The following CSNK1E variants were observed in gnomAD, a reference collection of about 807,000 sequenced individuals.
CSNK1E encodes casein kinase I isoform epsilon.
CSNK1E carries 17 observed loss-of-function variants against 46.1 expected under a neutral mutation model. The observed-to-expected ratio is 0.37, with a 90% CI of 0.25 to 0.55. The LOEUF (loss-of-function observed/expected upper bound fraction) is 0.55, where lower values mean the gene tolerates loss of function less well. Among genes scored for constraint, CSNK1E ranks in the 20% least tolerant of loss-of-function variants. The probability of loss-of-function intolerance (pLI) is 0.82; values close to 1 mark genes in which losing one functional copy is unlikely to be tolerated. For missense variants in CSNK1E, 386 were observed against 595.4 expected (o/e 0.65, Z 3.66); for synonymous variants, 241 against 242.6 (o/e 0.99, Z 0.06).
At chr22:38,296,688 T>C (rs781307351) in intron 7 of CSNK1E, 1 of 1,611,308 alleles carries the variant, frequency 6.2e-7, no homozygotes, top group Admixed American at 1.7e-5. Flanking sequence ...GCTCCTGGCC[T>C]GGTTGGAAAA....
intron 6 of CSNK1E, among the ~76,000 whole-genome samples, 174 bp downstream of exon 6, chr22:38,299,721 G>A (rs1358025542): frequency 6.6e-6 from 1 of 152,208 alleles, no homozygotes; most frequent in Non-Finnish European, 1.5e-5. Flanking sequence ...TGTTACTCAG[G>A]CTGGTCTCGA....
intron 2 of CSNK1E, among the ~76,000 whole-genome samples, chr22:38,308,515 G>C (rs1284173684): frequency 1.3e-5 from 2 of 152,062 alleles, no homozygotes; most frequent in Non-Finnish European, 2.9e-5. Context: ...CGTCGGACAA[G>C]GCACTTCACC....
rs1473926334 is a variant in CSNK1E, at chr22:38,300,037, G to A, written c.594C>T (p.Ser198=). 2.5e-6 allele frequency: 4 copies of A among 1,614,058 alleles called. No homozygotes were observed. The highest frequency in any genetic ancestry group is 3.4e-6 in the Non-Finnish European group (4 of 1,180,014). The part of the protein sequence containing the change: ...IEQSRRDDLE[S]LGYVLMYFNL... Reference sequence around the variant, plus strand: ...TGAAGTACATGAGCACGTAGCCCAGGCTCTCCAGGTCATCTCGACGGCTTT... The same window carrying A: ...TGAAGTACATGAGCACGTAGCCCAGACTCTCCAGGTCATCTCGACGGCTTT... The change falls in exon 6 of 11, where the codon AGC becomes AGT. Residue 198 remains serine, a synonymous_variant. Coordinates refer to ENST00000396832, the MANE Select transcript of CSNK1E (RefSeq NM_152221.3). This position sits in a 1 kb window ranked among gnomAD's most constrained non-coding sequence, Gnocchi z 4.4.
At chr22:38,311,835 T>G (rs1438634525) in intron 2 of CSNK1E, among the ~76,000 whole-genome samples, 6 of 151,150 alleles carry the variant, frequency 4.0e-5, no homozygotes, top group Admixed American at 2.0e-4. Flanking sequence ...GATGGAGTCT[T>G]GCTTTGTCGC....
intron 7 of CSNK1E, chr22:38,296,892 A>T (rs1311447075): frequency 3.2e-6 from 2 of 628,076 alleles, no homozygotes; most frequent in Non-Finnish European, 5.6e-6. Context: ...CTCCTGCCTC[A>T]GCCTCCCAAG....
chr22:38,291,445 GA>G lies in CSNK1E; in HGVS notation c.*525del. 6.5e-6 allele frequency: 1 copy of G among 152,892 alleles called. No homozygotes were observed. Among genetic ancestry groups the G allele is most frequent in the Non-Finnish European group, 1.5e-5 (1 of 68,536 alleles). 9.5% of individuals were successfully genotyped at this position (152,892 alleles called of 1,614,324 possible). ...GAGCCTGGAGGCCAGGGGGACAATG[GA>G]AAAGCCCAGCACGGGAAGTCAGCCA... On this transcript the variant is annotated 3_prime_UTR_variant, in exon 11 of 11. Transcript: ENST00000396832.
At chr22:38,301,142 G>A (rs1168634453) in intron 4 of CSNK1E, among the ~76,000 whole-genome samples, 190 bp from the exon 5 acceptor site, 2 of 152,190 alleles carry the variant, frequency 1.3e-5, no homozygotes, top group Non-Finnish European at 2.9e-5. Context: ...CTCTAAAGGG[G>A]GAGTTCACCA....
chr22:38,296,414 C>G, intron 7 of CSNK1E: 1 of 1,429,350 alleles, frequency 7.0e-7, no homozygotes, highest in East Asian at 2.6e-5. Context: ...CCGGTGCAGC[C>G]AACAACACAG....
rs889457596 is a variant in CSNK1E, at chr22:38,303,337, G to T, written c.77-89C>A. 8.6e-7 allele frequency: 1 copy of T among 1,168,374 alleles called. No homozygotes were observed. Among genetic ancestry groups the T allele is most frequent in the Admixed American group, 2.3e-5 (1 of 43,896 alleles). The allele number at this position is 1,168,374 out of a possible 1,614,324, so 72.4% of individuals were successfully genotyped here. A position where few individuals can be genotyped will look rare whatever the true frequency, so the allele number is the denominator to read the frequency against. ...CCACTAAGCATTTCTGAGATCTGGCGTGTGCCGGGCCCGGGGCCATCTGCC... is the reference window on the plus strand; with the variant it reads ...CCACTAAGCATTTCTGAGATCTGGCTTGTGCCGGGCCCGGGGCCATCTGCC... On this transcript the variant is annotated intron_variant, in intron 2 of 10. Coordinates refer to ENST00000396832, the MANE Select transcript of CSNK1E (RefSeq NM_152221.3). This position sits in a 1 kb window ranked among gnomAD's most constrained non-coding sequence, Gnocchi z 4.7.
At chr22:38,301,265 G>A (rs973969468) in intron 4 of CSNK1E, among the ~76,000 whole-genome samples, 6 of 152,128 alleles carry the variant, frequency 3.9e-5, no homozygotes, top group African/African-American at 1.2e-4. Context: ...TTGCCTGCCC[G>A]GCCCCACACT....
intron 2 of CSNK1E, among the ~76,000 whole-genome samples, chr22:38,312,725 T>C (rs1233242420): frequency 6.6e-6 from 1 of 152,226 alleles, no homozygotes. Context: ...ATCTCTGCCT[T>C]GGAACAGTTC....
chr22:38,296,785 A>ACAGGCAG, intron 7 of CSNK1E: 2 of 1,449,290 alleles, frequency 1.4e-6, no homozygotes, highest in Non-Finnish European at 1.9e-6. Context: ...TGGATGAAGG[A>ACAGGCAG]AATGGTCCCA....
At chr22:38,293,845 C>T (rs967350086) in intron 9 of CSNK1E, 13 of 518,678 alleles carry the variant, frequency 2.5e-5, no homozygotes, top group African/African-American at 2.5e-4. Flanking sequence ...CCTGGCTGGG[C>T]CCCTGGCAGC....
intron 2 of CSNK1E, among the ~76,000 whole-genome samples, chr22:38,313,196 T>C (rs1214349220): frequency 2.0e-5 from 3 of 152,172 alleles, no homozygotes; most frequent in Non-Finnish European, 2.9e-5. Context: ...TTCTCTGCAC[T>C]GGACAGAGCT....
Position 38,298,106 on chromosome 22 carries a change from G to GAGTACGTGGGCC in CSNK1E, c.885+668_885+679dup. 1 of 1,258,712 alleles carries GAGTACGTGGGCC rather than the reference G, an allele frequency of 7.9e-7. No homozygotes were observed. The highest frequency in any genetic ancestry group is 1.0e-6 in the Non-Finnish European group (1 of 966,362). 78.0% of individuals were successfully genotyped at this position (1,258,712 alleles called of 1,614,324 possible). ...AGAGGATCCTTACCAGTACGTGGGT[G>GAGTACGTGGGCC]AGTACGTGGGCCCAGCACAGGGACA... On this transcript the variant is annotated intron_variant, in intron 7 of 10. Coordinates refer to ENST00000396832, the MANE Select transcript of CSNK1E (RefSeq NM_152221.3). The surrounding 1 kb of genome is among the most constrained non-coding windows in gnomAD (Gnocchi z 4.2).
At chr22:38,308,952 A>C (rs555810932) in intron 2 of CSNK1E, among the ~76,000 whole-genome samples, 24 of 152,254 alleles carry the variant, frequency 1.6e-4, no homozygotes, top group African/African-American at 5.8e-4. Context: ...CTTCAGCCTG[A>C]GGCACCAAGG....
intron 2 of CSNK1E, among the ~76,000 whole-genome samples, chr22:38,304,097 G>A (rs932729488): frequency 1.3e-5 from 2 of 152,200 alleles, no homozygotes; most frequent in Admixed American, 1.3e-4. Flanking sequence ...ATGGGTGGAT[G>A]AGATGAAGGG....
intron 7 of CSNK1E, chr22:38,295,368 C>A: frequency 2.0e-6 from 2 of 976,518 alleles, no homozygotes; most frequent in Non-Finnish European, 2.4e-6. Context: ...TATGTGGGGG[C>A]AGCGCCCGAC....
chr22:38,318,034 C>T (rs1484921561), upstream of CSNK1E: 1 of 152,170 alleles, frequency 6.6e-6, no homozygotes, highest in Non-Finnish European at 1.5e-5. Context: ...TCTTCTTTTC[C>T]CTGAAGCTCA....
Sources: gnomAD v4.1 joint callset for allele counts (sites outside exome capture counted in the v4.1 genomes callset) on GRCh38, gnomAD v4.1.1 for gene constraint, Gnocchi (gnomAD v3.1) non-coding constraint, MANE v1.5 for transcripts, NCBI Gene and HGNC (gene_info 2026-07-23, HGNC 2026-07-21) for gene names.